The following GLE1 variants were observed in gnomAD, a reference collection of about 807,000 sequenced individuals.
GLE1 encodes GLE1 RNA export mediator, also known as mRNA export factor GLE1.
Under a neutral mutation model 97.3 loss-of-function variants are expected in GLE1, and 78 were observed. The ratio of observed to expected loss-of-function variants is 0.80; its 90% CI spans 0.67 to 0.97. The LOEUF is 0.97. Ranked by LOEUF, GLE1 falls within the 50% of genes least tolerant of loss-of-function variation. The pLI is 0.00. For missense variants in GLE1, 753 were observed against 857.5 expected (o/e 0.88, Z 1.52); for synonymous variants, 302 against 313.4 (o/e 0.96, Z 0.39).
intron 3 of GLE1, among the ~76,000 whole-genome samples, chr9:128,521,329 C>G (rs1373554747): frequency 6.6e-6 from 1 of 151,958 alleles, no homozygotes; most frequent in East Asian, 1.9e-4. Context: ...AGATCGGGAG[C>G]TCTAGACCAT....
At chr9:128,539,933 C>T (rs1456113477) in intron 14 of GLE1, 3 of 1,195,062 alleles carry the variant, frequency 2.5e-6, no homozygotes, top group African/African-American at 1.5e-5. Context: ...AGGGGCTGAG[C>T]ACAGTGGCTT....
intron 12 of GLE1, 117 bp downstream of exon 12, chr9:128,536,601 A>G (rs1847719069): frequency 4.4e-6 from 4 of 901,878 alleles, no homozygotes; most frequent in Admixed American, 3.8e-5. Flanking sequence ...AGGATAAACT[A>G]TATGGCAGTT....
At chr9:128,514,287 C>T (rs1433662753) in intron 2 of GLE1, among the ~76,000 whole-genome samples, 1 of 146,642 alleles carries the variant, frequency 6.8e-6, no homozygotes, top group Non-Finnish European at 1.5e-5. Flanking sequence ...TGTAATGATC[C>T]GTGATCACGC....
At chr9:128,530,947 G>A (rs1291332386) in intron 9 of GLE1, among the ~76,000 whole-genome samples, 3 of 149,776 alleles carry the variant, frequency 2.0e-5, no homozygotes, top group Non-Finnish European at 3.0e-5. Context: ...AGTGGCTCAC[G>A]CCTGTAATCC....
chr9:128,513,933 G>T lies in GLE1; in HGVS notation c.322-1596G>T, dbSNP rs945422815. ...CTTGGGAGGCTGAGGCAGGAGAATGGCATGAACCCGGGAGGCAGAGCTTGC... is the reference window on the plus strand; with the variant it reads ...CTTGGGAGGCTGAGGCAGGAGAATGTCATGAACCCGGGAGGCAGAGCTTGC... On this transcript the variant is annotated intron_variant, in intron 2 of 15. Coordinates refer to ENST00000309971, the MANE Select transcript of GLE1 (RefSeq NM_001003722.2). 4.5e-4 allele frequency among the ~76,000 whole-genome samples: 67 copies of T among 150,264 alleles called. 1 individual carries two copies. Among genetic ancestry groups the T allele is most frequent in the Middle Eastern group, 3.4e-3 (1 of 292 alleles).
chr9:128,539,924 G>A, intron 14 of GLE1: 5 of 1,307,830 alleles, frequency 3.8e-6, no homozygotes, highest in Non-Finnish European at 5.1e-6. Flanking sequence ...ACACAAATTA[G>A]GGGCTGAGCA....
At chr9:128,534,968 T>C (rs920033659) in intron 11 of GLE1, among the ~76,000 whole-genome samples, 114 of 151,772 alleles carry the variant, frequency 7.5e-4, no homozygotes, top group Non-Finnish European at 1.3e-3. Flanking sequence ...CTGCCCGCCT[T>C]GGCCTCCCAA....
intron 9 of GLE1, among the ~76,000 whole-genome samples, chr9:128,529,314 T>C (rs1421589617): frequency 6.6e-6 from 1 of 152,148 alleles, no homozygotes; most frequent in Non-Finnish European, 1.5e-5. Context: ...CCTCCACCAC[T>C]GCACAGTGAC....
intron 13 of GLE1, among the ~76,000 whole-genome samples, 183 bp downstream of exon 13, chr9:128,538,273 T>G (rs1045451884): frequency 6.6e-5 from 10 of 152,232 alleles, no homozygotes; most frequent in Admixed American, 2.6e-4. Context: ...CTCCATACTA[T>G]ATTTACTTGG....
chr9:128,508,184 A>AGATAAGTAAATAAAAT (rs1589040269), intron 1 of GLE1, among the ~76,000 whole-genome samples: 1 of 151,106 alleles, frequency 6.6e-6, no homozygotes, highest in Non-Finnish European at 1.5e-5. Flanking sequence ...CCATCTCAAA[A>AGATAAGTAAATAAAAT]AAAAAAAAAA....
intron 9 of GLE1, among the ~76,000 whole-genome samples, chr9:128,532,209 C>CTTTTTTTTTT (rs1160924908): frequency 1.2e-4 from 6 of 49,386 alleles, no homozygotes; most frequent in East Asian, 1.3e-3. Context: ...ATCTGCTTTG[C>CTTTTTTTTTT]TTTTTTTTTT....
intron 13 of GLE1, among the ~76,000 whole-genome samples, chr9:128,538,449 G>T (rs1214127438): frequency 6.6e-6 from 1 of 151,728 alleles, no homozygotes; most frequent in Non-Finnish European, 1.5e-5. Context: ...GATGACATGG[G>T]GTCAGGAGTT....
intron 9 of GLE1, 91 bp from the exon 10 acceptor site, chr9:128,533,422 T>C: frequency 1.1e-6 from 1 of 948,826 alleles, no homozygotes; most frequent in East Asian, 2.7e-5. Flanking sequence ...AGAGTGATAC[T>C]GTCTCAAAAA....
chr9:128,508,319 T>C (rs1846702955), intron 1 of GLE1, among the ~76,000 whole-genome samples: 1 of 151,934 alleles, frequency 6.6e-6, no homozygotes, highest in Non-Finnish European at 1.5e-5. Flanking sequence ...GGTGGGAGGA[T>C]AGCTTGAGCC....
At chr9:128,515,471 A>G (rs913143540) in intron 2 of GLE1, 58 bp from the exon 3 acceptor site, 17 of 928,414 alleles carry the variant, frequency 1.8e-5, no homozygotes, top group Non-Finnish European at 2.9e-5. Context: ...AGATAACACC[A>G]ACTTTACCAT....
At position 128,541,111 on chromosome 9, in the gene GLE1, C is replaced by A; in HGVS notation, c.2038C>A (p.Gln680Lys). 6.4e-7 allele frequency: 1 copy of A among 1,571,444 alleles called. No homozygotes were observed. Among genetic ancestry groups the A allele is most frequent in the Non-Finnish European group, 8.8e-7 (1 of 1,141,098 alleles). The change falls in exon 16 of 16, where the codon CAA (glutamine) becomes AAA (lysine). Residue 680 changes from glutamine to lysine, a missense_variant. Physicochemically the swap from Gln to Lys is moderately conservative, Grantham distance 53. Coordinates refer to ENST00000309971, the MANE Select transcript of GLE1 (RefSeq NM_001003722.2). ...RLKQFLEKCL[Q>K]HKDIPVPKGF... ...ATCTTTCCCTGACCAGAAATGTTTG[C>A]AACACAAGGACATTCCTGTCCCCAA...
intron 2 of GLE1, among the ~76,000 whole-genome samples, chr9:128,509,663 A>G (rs1846746783): frequency 6.6e-6 from 1 of 151,996 alleles, no homozygotes; most frequent in South Asian, 2.1e-4. Context: ...AAAAAAAAAA[A>G]AAAAGTTAAA....
chr9:128,537,590 C>T (rs1255938687), intron 12 of GLE1, among the ~76,000 whole-genome samples: 1 of 151,096 alleles, frequency 6.6e-6, no homozygotes, highest in Non-Finnish European at 1.5e-5. Flanking sequence ...GGTCATTTGA[C>T]TCCAGGAGTT....
intron 2 of GLE1, among the ~76,000 whole-genome samples, chr9:128,511,559 A>G (rs1846824451): frequency 6.6e-6 from 1 of 151,400 alleles, no homozygotes; most frequent in Non-Finnish European, 1.5e-5. Context: ...TAAAAAAAAA[A>G]ATTAGGCGAG....
Sources: gnomAD v4.1 joint callset for allele counts (sites outside exome capture counted in the v4.1 genomes callset) on GRCh38, gnomAD v4.1.1 for gene constraint, MANE v1.5 for transcripts, NCBI Gene and HGNC (gene_info 2026-07-23, HGNC 2026-07-21) for gene names.